THSD7B: variants seen among roughly 807,000 people sequenced by gnomAD.
The protein encoded by THSD7B is thrombospondin type-1 domain-containing protein 7B.
A neutral mutation model predicts 213.6 loss-of-function variants in THSD7B; 138 were observed. The observed-to-expected ratio is 0.65, with a 90% CI of 0.56 to 0.74. The LOEUF is 0.74. Among genes scored for constraint, THSD7B ranks in the 30% least tolerant of loss-of-function variants. The probability of loss-of-function intolerance (pLI) is 0.00; values close to 1 mark genes in which losing one functional copy is unlikely to be tolerated. For synonymous variants in THSD7B, 742 were observed against 687.0 expected (o/e 1.08, Z -1.25); for missense variants, 1,931 against 1,991.5 (o/e 0.97, Z 0.58).
chr2:137,477,644 A>T (rs1573648425), intron 15 of THSD7B, among the ~76,000 whole-genome samples: 1 of 151,058 alleles, frequency 6.6e-6, no homozygotes, highest in East Asian at 1.9e-4. Context: ...GTGGGTTTTT[A>T]TAGTGATAAC....
intron 13 of THSD7B, among the ~76,000 whole-genome samples, chr2:137,410,307 C>T (rs569622485): frequency 2.0e-5 from 3 of 151,900 alleles, no homozygotes; most frequent in East Asian, 1.9e-4. Context: ...CTTGCTCTGT[C>T]GCCCAGACTA....
At chr2:137,341,778 C>T (rs562026322) in intron 12 of THSD7B, among the ~76,000 whole-genome samples, 63 of 151,654 alleles carry the variant, frequency 4.2e-4, no homozygotes, top group African/African-American at 1.3e-3. Context: ...ATTGACCATA[C>T]GTATATGGGT....
intron 8 of THSD7B, among the ~76,000 whole-genome samples, chr2:137,232,189 A>G (rs1395961044): frequency 1.3e-5 from 2 of 152,182 alleles, no homozygotes; most frequent in East Asian, 1.9e-4. Flanking sequence ...TTAGATAAAT[A>G]CCACTTTTTA....
chr2:137,068,340 G>C lies in THSD7B; in HGVS notation c.950+11110G>C, dbSNP rs1278022932. Among the ~76,000 whole-genome samples, 4 of 151,950 alleles carry C rather than the reference G, an allele frequency of 2.6e-5. No homozygotes were observed. The East Asian group carries it at 7.7e-4, about 29-fold the overall frequency. On this transcript the variant is annotated intron_variant, in intron 3 of 27. Coordinates refer to ENST00000409968, the MANE Select transcript of THSD7B (RefSeq NM_001316349.2). The stretch of plus-strand genomic sequence containing the variant: ...TCATGAAATCTATAACTCTCATTTA[G>C]TCTTCAAATGACTATGAAATGGTTC...
chr2:137,611,314 T>G (rs959081224), intron 17 of THSD7B, among the ~76,000 whole-genome samples: 2 of 152,046 alleles, frequency 1.3e-5, no homozygotes, highest in African/African-American at 4.8e-5. Flanking sequence ...TGACAGATGT[T>G]TACTATGCTA....
intron 4 of THSD7B, among the ~76,000 whole-genome samples, chr2:137,097,445 T>G (rs12477580): frequency 6.6e-6 from 1 of 152,140 alleles, no homozygotes; most frequent in African/African-American, 2.4e-5. Context: ...GAAAGGGATG[T>G]AAATTGGCAT....
At chr2:137,074,511 C>T (rs1240345655) in intron 3 of THSD7B, among the ~76,000 whole-genome samples, 1 of 152,176 alleles carries the variant, frequency 6.6e-6, no homozygotes, top group African/African-American at 2.4e-5. Flanking sequence ...CTGAATAGAG[C>T]ACACTGATGG....
intron 12 of THSD7B, among the ~76,000 whole-genome samples, chr2:137,377,221 C>G (rs1685676505): frequency 6.6e-6 from 1 of 152,064 alleles, no homozygotes; most frequent in South Asian, 2.1e-4. Flanking sequence ...CTGACTGTAT[C>G]CTCCAGATAG....
chr2:137,151,283 T>C (rs545935670), intron 5 of THSD7B, among the ~76,000 whole-genome samples: 2 of 152,300 alleles, frequency 1.3e-5, no homozygotes, highest in South Asian at 4.1e-4. Flanking sequence ...TCTTACCCTT[T>C]CTGTAAGCTT....
At chr2:136,968,195 G>A (rs528570212) in intron 2 of THSD7B, among the ~76,000 whole-genome samples, 3 of 152,210 alleles carry the variant, frequency 2.0e-5, no homozygotes, top group Non-Finnish European at 2.9e-5. Flanking sequence ...ATTTTCCAAC[G>A]TGATGAAACT....
At chr2:137,030,486 A>G (rs1020483498) in intron 2 of THSD7B, among the ~76,000 whole-genome samples, 1 of 152,020 alleles carries the variant, frequency 6.6e-6, no homozygotes, top group Non-Finnish European at 1.5e-5. Flanking sequence ...TCTTGAACAG[A>G]CACTTTAACG....
chr2:136,926,305 GC>G (rs1334548061), intron 2 of THSD7B, among the ~76,000 whole-genome samples: 2 of 151,606 alleles, frequency 1.3e-5, no homozygotes. Flanking sequence ...CTGACTCCCT[GC>G]CTTTTCTGGC....
intron 7 of THSD7B, among the ~76,000 whole-genome samples, chr2:137,216,480 A>G (rs1681245842): frequency 6.6e-6 from 1 of 152,084 alleles, no homozygotes; most frequent in Non-Finnish European, 1.5e-5. Flanking sequence ...GATTTTAGGT[A>G]CACTGATGAA....
At chr2:137,327,031 C>T (rs1045816073) in intron 12 of THSD7B, among the ~76,000 whole-genome samples, 4 of 152,210 alleles carry the variant, frequency 2.6e-5, no homozygotes, top group African/African-American at 9.7e-5. Context: ...TTTATCCACA[C>T]ATTTAATAGT....
chr2:137,087,045 C>T (rs187924191), intron 3 of THSD7B, among the ~76,000 whole-genome samples: 110 of 152,170 alleles, frequency 7.2e-4, no homozygotes, highest in African/African-American at 2.5e-3. Context: ...TATTCATATC[C>T]TGGGATATTA....
intron 14 of THSD7B, among the ~76,000 whole-genome samples, chr2:137,438,410 T>C (rs1687335469): frequency 6.6e-6 from 1 of 152,156 alleles, no homozygotes; most frequent in Non-Finnish European, 1.5e-5. Flanking sequence ...ATTAACCCCA[T>C]TTGATAGCAT....
chr2:137,127,062 T>C (rs530824566), intron 5 of THSD7B, among the ~76,000 whole-genome samples: 1 of 152,146 alleles, frequency 6.6e-6, no homozygotes, highest in African/African-American at 2.4e-5. Context: ...CTATAATATA[T>C]ATATAATAAT....
intron 21 of THSD7B, among the ~76,000 whole-genome samples, chr2:137,654,541 T>G (rs963301832): frequency 6.6e-6 from 1 of 152,136 alleles, no homozygotes. Context: ...TCTCACATTT[T>G]GCAGCACAGA....
At chr2:137,441,767 G>A (rs1171367791) in intron 14 of THSD7B, among the ~76,000 whole-genome samples, 1 of 152,036 alleles carries the variant, frequency 6.6e-6, no homozygotes, top group Non-Finnish European at 1.5e-5. Flanking sequence ...TTTTGTCAAT[G>A]TTATCCTAGT....
Sources: gnomAD v4.1 joint callset for allele counts (sites outside exome capture counted in the v4.1 genomes callset) on GRCh38, gnomAD v4.1.1 for gene constraint, MANE v1.5 for transcripts, NCBI Gene and HGNC (gene_info 2026-07-23, HGNC 2026-07-21) for gene names.